Variants in SMARCA1 observed in about 807,000 individuals in gnomAD.
SMARCA1 encodes the protein SWI/SNF-related matrix-associated actin-dependent regulator of chromatin subfamily A member 1.
Under a neutral mutation model 93.6 loss-of-function variants are expected in SMARCA1, and 17 were observed. That is an observed-to-expected ratio of 0.18 (90% CI 0.12 to 0.27). The LOEUF (loss-of-function observed/expected upper bound fraction) is 0.27. Among genes scored for constraint, SMARCA1 ranks in the 10% least tolerant of loss-of-function variants. SMARCA1 has a pLI of 1.00. For synonymous variants in SMARCA1, 271 were observed against 271.4 expected (o/e 1.00, Z 0.01); for missense variants, 630 against 819.0 (o/e 0.77, Z 2.82).
At position 129,459,738 on chromosome X, in the gene SMARCA1, G is replaced by A. The variant is rs188693697; in HGVS notation, c.3030+5782C>T. ...TTTGCTCGCATTCTATCCAAATCTG[G>A]TCCAACTGTAGGAGTCTATGGGATA... On this transcript the variant is annotated intron_variant, in intron 23 of 24. Transcript: ENST00000371121. Among the ~76,000 whole-genome samples, 122 of 112,395 alleles carry A rather than the reference G, an allele frequency of 1.1e-3. 1 individual carries two copies. The highest frequency in any genetic ancestry group is 3.8e-3 in the African/African-American group (119 of 30,980).
At chrX:129,511,129 T>C (rs1935004036) in intron 6 of SMARCA1, among the ~76,000 whole-genome samples, 1 of 111,685 alleles carries the variant, frequency 9.0e-6, no homozygotes, top group Non-Finnish European at 1.9e-5. Context: ...TTTTACATAA[T>C]ATATTATTTT....
Position 129,499,803 on chromosome X carries a change from A to G in SMARCA1, c.1206T>C (p.Asp402=). 8.5e-7 allele frequency: 1 copy of G among 1,176,095 alleles called. No homozygotes were observed. Among genetic ancestry groups the G allele is most frequent in the Admixed American group, 2.2e-5 (1 of 45,608 alleles). The change falls in exon 10 of 25, where the codon GAT becomes GAC. Residue 402 remains aspartate, a synonymous_variant. Transcript: ENST00000371121. ...TTTTAGGTGGCAGACTCTTCTCTAC[A>G]TCAGTTTTTATACGGCGTAACAAAA... ...KPFLLRRIKT[D]VEKSLPPKKE... is the part of the protein sequence containing the mutation.
intron 1 of SMARCA1, among the ~76,000 whole-genome samples, chrX:129,520,395 C>T (rs1008588643): frequency 1.6e-4 from 18 of 110,704 alleles, no homozygotes; most frequent in African/African-American, 5.9e-4. Context: ...ATTCAACAAC[C>T]AGAAAGTAAG....
rs143291881 is a variant in SMARCA1, at chrX:129,488,033, G to C, written c.2098-896C>G. ...GGAAAGATAACTGGGGATATAGACA[G>C]AACAGGACTGGTTGATGGTTGTTAG... On this transcript the variant is annotated intron_variant, in intron 16 of 24. Coordinates refer to ENST00000371121, the MANE Select transcript of SMARCA1 (RefSeq NM_001282874.2). Among the ~76,000 whole-genome samples, 986 of 110,931 alleles carry C rather than the reference G, an allele frequency of 8.9e-3. 7 individuals carry two copies. The highest frequency in any genetic ancestry group is 0.031 in the African/African-American group (951 of 30,564).
intron 9 of SMARCA1, among the ~76,000 whole-genome samples, chrX:129,500,123 T>TAA (rs61313042): frequency 1.6e-3 from 140 of 87,453 alleles, no homozygotes; most frequent in African/African-American, 5.3e-3. Flanking sequence ...AAAGAACCCT[T>TAA]AAAAAAAAAA....
At chrX:129,497,026 C>G (rs1934362374) in intron 11 of SMARCA1, among the ~76,000 whole-genome samples, 155 bp from the exon 12 acceptor site, 1 of 111,222 alleles carries the variant, frequency 9.0e-6, no homozygotes, top group African/African-American at 3.3e-5. Flanking sequence ...CACACACCCC[C>G]ACACACCTTC....
At chrX:129,502,216 A>G (rs1934594176) in intron 9 of SMARCA1, among the ~76,000 whole-genome samples, 1 of 111,576 alleles carries the variant, frequency 9.0e-6, no homozygotes, top group South Asian at 3.7e-4. Flanking sequence ...AGAGAGGTCA[A>G]TTTAGGAGGC....
At chrX:129,456,706 G>A (rs1156558899) in intron 23 of SMARCA1, among the ~76,000 whole-genome samples, 1 of 111,895 alleles carries the variant, frequency 8.9e-6, no homozygotes, top group Non-Finnish European at 1.9e-5. Context: ...AGATGTGGTG[G>A]AAATAGCAAG....
At chrX:129,488,896 A>G in intron 16 of SMARCA1, 41 bp downstream of exon 16, 1 of 947,323 alleles carries the variant, frequency 1.1e-6, no homozygotes, top group South Asian at 2.2e-5. Context: ...TGTTGATATT[A>G]AAACAATCCA....
chrX:129,522,613 G>A (rs774015716), intron 1 of SMARCA1, among the ~76,000 whole-genome samples: 19 of 111,198 alleles, frequency 1.7e-4, no homozygotes, highest in Admixed American at 9.5e-4. Flanking sequence ...AACAAGGGAT[G>A]GTTTTTTTCC....
At chrX:129,484,319 T>C (rs1261646671) in intron 17 of SMARCA1, among the ~76,000 whole-genome samples, 1 of 111,809 alleles carries the variant, frequency 8.9e-6, no homozygotes, top group Non-Finnish European at 1.9e-5. Flanking sequence ...CAAAAGCATA[T>C]TAGAAAGGCA....
At chrX:129,484,252 A>G (rs7876787) in intron 17 of SMARCA1, among the ~76,000 whole-genome samples, 327 of 112,129 alleles carry the variant, frequency 2.9e-3, no homozygotes, top group African/African-American at 0.01. Context: ...CCTATTATCC[A>G]TAAGTCTGCA....
intron 23 of SMARCA1, among the ~76,000 whole-genome samples, chrX:129,463,390 A>C (rs1424683621): frequency 8.9e-6 from 1 of 111,952 alleles, no homozygotes; most frequent in Non-Finnish European, 1.9e-5. Context: ...CAATGTCTTC[A>C]GAGAGTCAAA....
At chrX:129,519,354 A>G (rs921374872) in intron 1 of SMARCA1, among the ~76,000 whole-genome samples, 3 of 111,910 alleles carry the variant, frequency 2.7e-5, no homozygotes, top group African/African-American at 6.5e-5. Flanking sequence ...CAAAGATGAG[A>G]GCATTTCAGT....
Position 129,480,811 on chromosome X carries a change from G to A in SMARCA1, c.2332C>T (p.Pro778Ser), listed in dbSNP as rs201270823. 8.9e-7 allele frequency: 1 copy of A among 1,117,873 alleles called. No homozygotes were observed. Among genetic ancestry groups the A allele is most frequent in the East Asian group, 3.2e-5 (1 of 31,395 alleles). 92.1% of individuals were successfully genotyped at this position (1,117,873 alleles called of 1,213,427 possible). A position where few individuals can be genotyped will look rare whatever the true frequency, so the allele number is the denominator to read the frequency against. The change falls in exon 19 of 25, where the codon CCA becomes TCA. Residue 778 changes from proline to serine, a missense_variant. Pro to Ser is a moderately conservative substitution (Grantham distance 74). Around this residue, in one of 4 missense-constraint regions of SMARCA1, gnomAD observed 382 missense variants for 537.9 expected, o/e 0.71. Coordinates refer to ENST00000371121, the MANE Select transcript of SMARCA1 (RefSeq NM_001282874.2). ...ACATTTGGCTGTTTTGGAGGCCGTG[G>A]AGCCTATGAGGGAGGAAAATGTATT... is the stretch of plus-strand genomic sequence containing the variant. ...RVSEPKIPKA[P>S]RPPKQPNVQD...
In SMARCA1 at chrX:129,465,831, T is replaced by C; in HGVS notation, c.2817+13A>G. On this transcript the variant is annotated intron_variant, in intron 22 of 24. Coordinates refer to ENST00000371121, the MANE Select transcript of SMARCA1 (RefSeq NM_001282874.2). ...AAAACGATCTAATAATAATTTGACA[T>C]AAAACATAGTACTTTGGCATCCAGG... 1 of 1,085,378 alleles carries C rather than the reference T, an allele frequency of 9.2e-7. No individual in the cohort carries two copies. Among genetic ancestry groups the C allele is most frequent in the Non-Finnish European group, 1.2e-6 (1 of 803,640 alleles). 89.4% of individuals were successfully genotyped at this position (1,085,378 alleles called of 1,213,427 possible). A position where few individuals can be genotyped will look rare whatever the true frequency, so the allele number is the denominator to read the frequency against.
chrX:129,463,295 T>A (rs1932837820), intron 23 of SMARCA1, among the ~76,000 whole-genome samples: 2 of 111,826 alleles, frequency 1.8e-5, no homozygotes, highest in Non-Finnish European at 3.8e-5. Flanking sequence ...TTATCCTGCA[T>A]GGCTTTTAAA....
At chrX:129,503,964 C>CA (rs77290378) in intron 9 of SMARCA1, among the ~76,000 whole-genome samples, 2,443 of 60,093 alleles carry the variant, frequency 0.041, 36 homozygotes, top group African/African-American at 0.057. Flanking sequence ...GACTCTCTCT[C>CA]AAAAAAAAAA....
chrX:129,504,408 T>C (rs1321074743), intron 9 of SMARCA1, among the ~76,000 whole-genome samples: 1 of 108,993 alleles, frequency 9.2e-6, no homozygotes, highest in African/African-American at 3.4e-5. Context: ...GTGGGTGAAC[T>C]AGGAGAATAC....
Sources: gnomAD v4.1 joint callset for allele counts (sites outside exome capture counted in the v4.1 genomes callset) on GRCh38, gnomAD v4.1.1 for gene constraint, gnomAD v4.1.1 regional missense constraint, MANE v1.5 for transcripts, NCBI Gene and HGNC (gene_info 2026-07-23, HGNC 2026-07-21) for gene names.